HSPA9: variants seen among roughly 807,000 people sequenced by gnomAD.
HSPA9 encodes the protein heat shock protein family A (Hsp70) member 9.
A neutral mutation model predicts 81.5 loss-of-function variants in HSPA9; 28 were observed. The ratio of observed to expected loss-of-function variants is 0.34; its 90% CI spans 0.25 to 0.47. The LOEUF is 0.47. Ranked by LOEUF, HSPA9 falls within the 20% of genes least tolerant of loss-of-function variation. The probability of loss-of-function intolerance (pLI) is 1.00; values close to 1 mark genes in which losing one functional copy is unlikely to be tolerated. For synonymous variants in HSPA9, 293 were observed against 290.4 expected (o/e 1.01, Z -0.09); for missense variants, 678 against 838.0 (o/e 0.81, Z 2.36).
intron 9 of HSPA9, among the ~76,000 whole-genome samples, chr5:138,565,217 A>G (rs1054792155): frequency 1.3e-5 from 2 of 152,174 alleles, no homozygotes; most frequent in Non-Finnish European, 2.9e-5. Flanking sequence ...CCCAAATGTC[A>G]AATCCCTGGG....
intron 4 of HSPA9, among the ~76,000 whole-genome samples, chr5:138,569,775 A>T (rs953158203): frequency 6.6e-6 from 1 of 152,186 alleles, no homozygotes; most frequent in African/African-American, 2.4e-5. Flanking sequence ...AGATGGTCTT[A>T]AACTCAGCCT....
chr5:138,571,844 T>A (rs965944251), intron 3 of HSPA9, among the ~76,000 whole-genome samples: 5 of 124,074 alleles, frequency 4.0e-5, no homozygotes, highest in Non-Finnish European at 7.4e-5. Flanking sequence ...GTACTTTTAG[T>A]AGAGATGGGG....
chr5:138,557,752 C>CAT, intron 13 of HSPA9, 117 bp downstream of exon 13: 2 of 814,750 alleles, frequency 2.5e-6, no homozygotes, highest in Non-Finnish European at 4.4e-6. Context: ...ATAAACATTA[C>CAT]ACTTGTACAA....
chr5:138,566,852 A>C (rs1029717736), intron 8 of HSPA9, 134 bp from the exon 9 acceptor site: 16 of 1,126,576 alleles, frequency 1.4e-5, no homozygotes, highest in Admixed American at 1.4e-4. Flanking sequence ...TATTACCCTT[A>C]ATGTGTAGGG....
chr5:138,565,630 C>T (rs555829188), intron 9 of HSPA9, among the ~76,000 whole-genome samples: 21 of 152,172 alleles, frequency 1.4e-4, no homozygotes, highest in Non-Finnish European at 2.4e-4. Flanking sequence ...TGGAGCTAAC[C>T]AAACTGACAA....
At chr5:138,573,956 C>A (rs886834766) in intron 2 of HSPA9, 106 bp from the exon 3 acceptor site, 2 of 1,258,680 alleles carry the variant, frequency 1.6e-6, no homozygotes, top group Middle Eastern at 1.9e-4. Flanking sequence ...ACTACATAAT[C>A]TCTAAATAAA....
At chr5:138,557,795 C>G in intron 13 of HSPA9, 74 bp downstream of exon 13, 1 of 892,380 alleles carries the variant, frequency 1.1e-6, no homozygotes, top group Non-Finnish European at 1.9e-6. Context: ...AAAGAGGACT[C>G]ATCATTCTAA....
intron 10 of HSPA9, 53 bp from the exon 11 acceptor site, chr5:138,560,144 C>G (rs1161135547): frequency 1.5e-6 from 2 of 1,365,240 alleles, no homozygotes; most frequent in South Asian, 2.4e-5. Context: ...ACTACCTGAG[C>G]AGAACAAAAG....
At chr5:138,568,661 C>T (rs1750816266) in intron 5 of HSPA9, among the ~76,000 whole-genome samples, 1 of 152,188 alleles carries the variant, frequency 6.6e-6, no homozygotes, top group Non-Finnish European at 1.5e-5. Context: ...GGGACAAAAG[C>T]TTAATGTGTA....
Position 138,560,723 on chromosome 5 carries a change from T to C in HSPA9, c.1183-632A>G, listed in dbSNP as rs113445354. On this transcript the variant is annotated intron_variant, in intron 10 of 16. Transcript: ENST00000297185. ...CTACAGGCGCCCACCAAATTTTTTA[T>C]ATTTTTAGTAGAGACAGGGTTTCAC... 2,083 of 246,002 alleles carry C rather than the reference T, an allele frequency of 8.5e-3. 52 individuals are homozygous for C. The highest frequency in any genetic ancestry group is 0.041 in the South Asian group (1,029 of 25,084). The allele number at this position is 246,002 out of a possible 1,614,324, so 15.2% of individuals were successfully genotyped here.
chr5:138,573,436 G>A (rs1052391810), intron 3 of HSPA9, among the ~76,000 whole-genome samples: 1 of 152,096 alleles, frequency 6.6e-6, no homozygotes, highest in South Asian at 2.1e-4. Flanking sequence ...AACGTGGGCG[G>A]ATCACTTGAG....
Position 138,554,204 on chromosome 5 carries a change from C to G in HSPA9, c.*1833G>C, listed in dbSNP as rs908333976. Among the ~76,000 whole-genome samples, 7 of 152,206 alleles carry G rather than the reference C, an allele frequency of 4.6e-5. No individual in the cohort carries two copies. Among genetic ancestry groups the G allele is most frequent in the Non-Finnish European group, 1.0e-4 (7 of 68,038 alleles). On this transcript the variant is annotated 3_prime_UTR_variant, in exon 17 of 17. Transcript: ENST00000297185. ...ACCCATACCCAAGCAACTTCTCCCT[C>G]CTAATAGAACTCAAATATATATTTT...
In HSPA9 at chr5:138,557,842, TA is replaced by T; in HGVS notation, c.1633+26del. ...CCCAAGACCTCCCTCACCTCACTCT[TA>T]GGGTCTGATAAACAAGGTGACTTAC... On this transcript the variant is annotated intron_variant, in intron 13 of 16. Transcript: ENST00000297185. 2.9e-6 allele frequency: 4 copies of T among 1,400,202 alleles called. No individual in the cohort carries two copies. In the South Asian group the frequency reaches 4.6e-5, roughly 16 times the overall value. 86.7% of individuals were successfully genotyped at this position (1,400,202 alleles called of 1,614,324 possible).
intron 14 of HSPA9, 130 bp from the exon 15 acceptor site, chr5:138,556,996 A>C: frequency 1.3e-6 from 1 of 744,208 alleles, no homozygotes; most frequent in Non-Finnish European, 2.4e-6. Flanking sequence ...GAGAAATCAG[A>C]GTGGCATGAA....
intron 4 of HSPA9, 198 bp downstream of exon 4, chr5:138,570,762 G>C (rs1204490877): frequency 3.5e-6 from 2 of 569,386 alleles, no homozygotes; most frequent in East Asian, 3.3e-5. Flanking sequence ...TAGGATTACA[G>C]GTGTGAGCCA....
At chr5:138,559,843 G>T in intron 11 of HSPA9, 21 bp downstream of exon 11, 1 of 1,496,192 alleles carries the variant, frequency 6.7e-7, no homozygotes, top group Non-Finnish European at 9.3e-7. Flanking sequence ...ATGTGACAAG[G>T]TAGGAAGTGA....
chr5:138,570,077 C>A (rs1750845552), intron 4 of HSPA9, among the ~76,000 whole-genome samples: 1 of 152,014 alleles, frequency 6.6e-6, no homozygotes, highest in Non-Finnish European at 1.5e-5. Context: ...GGCTTTTCCC[C>A]AAGTTGTCCA....
At chr5:138,566,188 C>CAAAA (rs1186233815) in intron 9 of HSPA9, among the ~76,000 whole-genome samples, 2 of 59,640 alleles carry the variant, frequency 3.4e-5, no homozygotes, top group East Asian at 8.4e-4. Context: ...AACTCTGTCT[C>CAAAA]AAAAAAAAAA....
intron 1 of HSPA9, 157 bp from the exon 2 acceptor site, chr5:138,574,283 AG>A: frequency 1.5e-6 from 1 of 668,134 alleles, no homozygotes; most frequent in Non-Finnish European, 2.7e-6. Flanking sequence ...GGTAAATAAA[AG>A]ATGGCCTTAG....
Sources: gnomAD v4.1 joint callset for allele counts (sites outside exome capture counted in the v4.1 genomes callset) on GRCh38, gnomAD v4.1.1 for gene constraint, MANE v1.5 for transcripts, NCBI Gene and HGNC (gene_info 2026-07-23, HGNC 2026-07-21) for gene names.